Variants in SLC39A11 observed in about 807,000 individuals in gnomAD.
SLC39A11 encodes the protein zinc transporter ZIP11.
SLC39A11 carries 33 observed loss-of-function variants against 36.1 expected under a neutral mutation model. The observed-to-expected ratio is 0.91, with a 90% confidence interval of 0.69 to 1.22. The LOEUF (loss-of-function observed/expected upper bound fraction) is 1.22, where lower values mean the gene tolerates loss of function less well. Ranked by LOEUF, SLC39A11 falls within the 50% of genes most tolerant of loss-of-function variation. The probability of loss-of-function intolerance (pLI) is 0.00; values close to 1 mark genes in which losing one functional copy is unlikely to be tolerated. For synonymous variants in SLC39A11, 166 were observed against 170.3 expected (o/e 0.97, Z 0.20); for missense variants, 432 against 430.3 (o/e 1.00, Z -0.03).
chr17:72,956,130 T>C (rs1385888013), intron 4 of SLC39A11, among the ~76,000 whole-genome samples: 1 of 152,144 alleles, frequency 6.6e-6, no homozygotes, highest in Non-Finnish European at 1.5e-5. Context: ...CAATGCCACA[T>C]CTTCCAGCTT....
At chr17:73,013,982 C>T (rs145280708) in intron 4 of SLC39A11, among the ~76,000 whole-genome samples, 146 of 152,242 alleles carry the variant, frequency 9.6e-4, no homozygotes, top group African/African-American at 3.4e-3. Context: ...TAGCAGTGCC[C>T]CCTGCTGTGC....
chr17:72,917,497 CTT>C (rs896679293), intron 5 of SLC39A11, among the ~76,000 whole-genome samples: 4 of 152,178 alleles, frequency 2.6e-5, no homozygotes, highest in Non-Finnish European at 4.4e-5. Flanking sequence ...AGCATGACCA[CTT>C]CTCAACAGAG....
At chr17:72,725,160 A>G (rs1458309744) in intron 7 of SLC39A11, among the ~76,000 whole-genome samples, 1 of 152,230 alleles carries the variant, frequency 6.6e-6, no homozygotes, top group Non-Finnish European at 1.5e-5. Flanking sequence ...TAGAAAAGTA[A>G]ATGTCACCCT....
chr17:72,713,431 C>G (rs1224892516), intron 7 of SLC39A11, among the ~76,000 whole-genome samples: 4 of 151,672 alleles, frequency 2.6e-5, no homozygotes, highest in Non-Finnish European at 5.9e-5. Context: ...CAGGGGGAGG[C>G]AGCAGCCCCA....
At chr17:72,980,886 T>G (rs1379323283) in intron 4 of SLC39A11, among the ~76,000 whole-genome samples, 1 of 152,000 alleles carries the variant, frequency 6.6e-6, no homozygotes, top group Non-Finnish European at 1.5e-5. Flanking sequence ...TAGCCAGGCA[T>G]GATGGTGGGT....
intron 4 of SLC39A11, among the ~76,000 whole-genome samples, chr17:72,965,449 G>A (rs982614815): frequency 2.6e-5 from 4 of 152,108 alleles, no homozygotes; most frequent in South Asian, 2.1e-4. Flanking sequence ...CTATACAACC[G>A]TTCGGTTTCT....
chr17:73,067,965 C>T, intron 3 of SLC39A11: 1 of 1,594,806 alleles, frequency 6.3e-7, no homozygotes, highest in South Asian at 1.1e-5. Flanking sequence ...GGGGAAGGAG[C>T]AAAGGACTGA....
intron 3 of SLC39A11, among the ~76,000 whole-genome samples, chr17:73,071,982 A>G (rs1402826054): frequency 4.6e-5 from 7 of 152,196 alleles, no homozygotes; most frequent in Admixed American, 3.9e-4. Context: ...GAAAGAACGA[A>G]TGAATAAAAA....
chr17:72,844,333 C>A (rs557131027), intron 6 of SLC39A11, among the ~76,000 whole-genome samples: 2 of 152,266 alleles, frequency 1.3e-5, no homozygotes, highest in South Asian at 2.1e-4. Flanking sequence ...TGTAGTTAGA[C>A]CCTTGGTGGC....
chr17:73,056,325 T>C (rs917659920), intron 3 of SLC39A11, among the ~76,000 whole-genome samples: 3 of 152,102 alleles, frequency 2.0e-5, no homozygotes, highest in Admixed American at 1.3e-4. Context: ...CCATCCACCA[T>C]GCCTAGCTAA....
At chr17:72,969,771 A>G (rs1437246092) in intron 4 of SLC39A11, among the ~76,000 whole-genome samples, 1 of 152,230 alleles carries the variant, frequency 6.6e-6, no homozygotes, top group Non-Finnish European at 1.5e-5. Context: ...ACACTAAAAT[A>G]GATGGGTGGC....
At chr17:72,939,919 G>A (rs773015664) in intron 5 of SLC39A11, among the ~76,000 whole-genome samples, 1 of 152,162 alleles carries the variant, frequency 6.6e-6, no homozygotes, top group African/African-American at 2.4e-5. Flanking sequence ...TTTACCAGTT[G>A]AGCATCCCAA....
At chr17:72,933,701 G>A (rs750786431) in intron 5 of SLC39A11, among the ~76,000 whole-genome samples, 12 of 152,082 alleles carry the variant, frequency 7.9e-5, no homozygotes, top group Non-Finnish European at 1.8e-4. Flanking sequence ...TGTATTTTTA[G>A]TAAAGATGGG....
In SLC39A11 at chr17:72,919,909, G is replaced by C. The variant is rs531861257; in HGVS notation, c.430+27843C>G. ...GGACAAGCACAAACGTGGTCACAAT[G>C]AATTTCAAGGACTTCTTCGAATGCC... On this transcript the variant is annotated intron_variant, in intron 5 of 9. Coordinates refer to ENST00000255559, the MANE Select transcript of SLC39A11 (RefSeq NM_139177.4). Among the ~76,000 whole-genome samples, 4 of 152,252 alleles carry C rather than the reference G, an allele frequency of 2.6e-5. No individual in the cohort carries two copies. The East Asian group carries it at 7.8e-4, about 30-fold the overall frequency.
At chr17:73,028,659 T>A (rs146535086) in intron 4 of SLC39A11, among the ~76,000 whole-genome samples, 20 of 152,250 alleles carry the variant, frequency 1.3e-4, no homozygotes, top group African/African-American at 4.6e-4. Context: ...TGGGCATTTG[T>A]GGTGATGATG....
intron 3 of SLC39A11, among the ~76,000 whole-genome samples, chr17:73,033,349 A>G (rs2058800553): frequency 6.6e-6 from 1 of 152,198 alleles, no homozygotes; most frequent in Non-Finnish European, 1.5e-5. Flanking sequence ...AACCAACTCA[A>G]TGACGGTAGA....
At chr17:72,847,049 G>A (rs570702634) in intron 6 of SLC39A11, among the ~76,000 whole-genome samples, 1 of 152,104 alleles carries the variant, frequency 6.6e-6, no homozygotes, top group Non-Finnish European at 1.5e-5. Context: ...CCATCTTTGT[G>A]CAGTGAGGTC....
intron 7 of SLC39A11, among the ~76,000 whole-genome samples, chr17:72,681,309 T>C (rs188876125): frequency 2.6e-5 from 4 of 152,268 alleles, no homozygotes; most frequent in Admixed American, 2.6e-4. Context: ...AGGCTAAGGA[T>C]TTCATGCTTA....
chr17:72,807,273 A>C (rs186148063), intron 6 of SLC39A11, among the ~76,000 whole-genome samples: 1 of 152,228 alleles, frequency 6.6e-6, no homozygotes, highest in Non-Finnish European at 1.5e-5. Context: ...TACCGAAGGC[A>C]TGCCTCAAAA....
Sources: gnomAD v4.1 joint callset for allele counts (sites outside exome capture counted in the v4.1 genomes callset) on GRCh38, gnomAD v4.1.1 for gene constraint, MANE v1.5 for transcripts, NCBI Gene and HGNC (gene_info 2026-07-23, HGNC 2026-07-21) for gene names.